The following DISP1 variants were observed in gnomAD, a reference collection of about 807,000 sequenced individuals.
The protein encoded by DISP1 is dispatched RND transporter family member 1.
A neutral mutation model predicts 37.3 loss-of-function variants in DISP1; 30 were observed. That is an observed-to-expected ratio of 0.80 (90% CI 0.60 to 1.09). DISP1 has a LOEUF of 1.09. Among genes scored for constraint, DISP1 ranks in the 50% least tolerant of loss-of-function variants. The pLI, the probability that DISP1 is intolerant of heterozygous loss-of-function variation, is 0.00. For synonymous variants in DISP1, 634 were observed against 690.2 expected (o/e 0.92, Z 1.28); for missense variants, 1,598 against 1,879.5 (o/e 0.85, Z 2.77).
In DISP1 at chr1:222,825,948, C is replaced by A; in HGVS notation, c.-159+10870C>A. The stretch of plus-strand genomic sequence containing the variant: ...GCTGGGTCTTGCTCTGTCACCCAGA[C>A]TGGAGTGCAGTGGTGAGATCATAGC... On this transcript the variant is annotated intron_variant, in intron 1 of 8. Coordinates refer to ENST00000675850, the MANE Select transcript of DISP1 (RefSeq NM_001377229.1). 1.3e-5 allele frequency among the ~76,000 whole-genome samples: 2 copies of A among 152,332 alleles called. 1 individual carries two copies. Among genetic ancestry groups the A allele is most frequent in the South Asian group, 4.1e-4 (2 of 4,830 alleles).
intron 1 of DISP1, among the ~76,000 whole-genome samples, chr1:222,888,928 A>G (rs1200312370): frequency 6.6e-6 from 1 of 152,060 alleles, no homozygotes; most frequent in Non-Finnish European, 1.5e-5. Context: ...GCAAATAATA[A>G]TTGTACATAT....
At position 223,003,416 on chromosome 1, in the gene DISP1, C is replaced by T. The variant is rs150357097; in HGVS notation, c.2019C>T (p.Pro673=). Residue 673 remains proline, a synonymous_variant, in exon 9 of 9, where the codon CCC becomes CCT. Coordinates refer to ENST00000675850, the MANE Select transcript of DISP1 (RefSeq NM_001377229.1). The surrounding 1 kb of genome is among the most constrained non-coding windows in gnomAD (Gnocchi z 4.3). ...LLNIFTCFKK[P]QQQIYDNKSC... is the part of the protein sequence containing the mutation. ...ATATATTCACTTGCTTCAAAAAGCC[C>T]CAGCAGCAAATATATGATAACAAAA... The T allele has an allele frequency of 2.2e-5, 35 of 1,614,074 alleles. No individual in the cohort carries two copies. The African/African-American group carries it at 4.0e-4, about 18-fold the overall frequency.
chr1:222,992,334 T>A (rs967168146), intron 7 of DISP1, among the ~76,000 whole-genome samples: 2 of 152,208 alleles, frequency 1.3e-5, no homozygotes, highest in Non-Finnish European at 2.9e-5. Flanking sequence ...GAAAAAGTAA[T>A]GATTGAGTTT....
intron 2 of DISP1, among the ~76,000 whole-genome samples, chr1:222,929,916 C>G (rs146077482): frequency 6.6e-6 from 1 of 152,100 alleles, no homozygotes; most frequent in East Asian, 1.9e-4. Context: ...TCATATAGCT[C>G]ACATCTTAGA....
chr1:222,821,848 C>T (rs1558276664), intron 1 of DISP1, among the ~76,000 whole-genome samples: 1 of 144,504 alleles, frequency 6.9e-6, no homozygotes, highest in African/African-American at 2.6e-5. Flanking sequence ...CACTGCACTC[C>T]AGCCTGGATG....
At chr1:222,818,651 A>G (rs183124548) in intron 1 of DISP1, among the ~76,000 whole-genome samples, 11 of 152,300 alleles carry the variant, frequency 7.2e-5, no homozygotes, top group Admixed American at 7.2e-4. Flanking sequence ...TGTAGTTTTG[A>G]GGCAGAATTC....
At chr1:222,975,565 T>C (rs367874043) in intron 3 of DISP1, among the ~76,000 whole-genome samples, 4 of 152,342 alleles carry the variant, frequency 2.6e-5, no homozygotes, top group African/African-American at 9.6e-5. Flanking sequence ...CCTTTTTTTC[T>C]ATTACCTTTT....
chr1:222,830,364 C>T (rs1161134920), intron 1 of DISP1, among the ~76,000 whole-genome samples: 5 of 151,770 alleles, frequency 3.3e-5, no homozygotes, highest in Admixed American at 2.0e-4. Context: ...CTTCTTTCTT[C>T]CTTCCGTCCT....
rs761054779 is a variant in DISP1, at chr1:223,003,464, G to C, written c.2067G>C (p.Gln689His). ...DNKSCWTVAC[Q>H]KCHKVLFAIS... ...AAAGCTGCTGGACAGTGGCTTGCCAGAAGTGCCACAAAGTACTCTTTGCCA... is the reference window on the plus strand; with the variant it reads ...AAAGCTGCTGGACAGTGGCTTGCCACAAGTGCCACAAAGTACTCTTTGCCA... The change falls in exon 9 of 9, where the codon CAG becomes CAC. Residue 689 changes from glutamine to histidine, a missense_variant. Physicochemically the swap from Gln to His is conservative, Grantham distance 24. Transcript: ENST00000675850. This position sits in a 1 kb window ranked among gnomAD's most constrained non-coding sequence, Gnocchi z 4.3. The C allele has an allele frequency of 1.2e-6, 2 of 1,614,150 alleles. No homozygotes were observed. The highest frequency in any genetic ancestry group is 2.2e-5 in the South Asian group (2 of 91,084).
intron 2 of DISP1, among the ~76,000 whole-genome samples, chr1:222,938,497 G>T (rs1444090173): frequency 2.6e-5 from 4 of 151,842 alleles, no homozygotes; most frequent in African/African-American, 9.7e-5. Context: ...ACTTTGGGAG[G>T]CTGAGGCAGG....
chr1:222,921,321 A>G (rs1258606943), intron 1 of DISP1, among the ~76,000 whole-genome samples: 1 of 152,226 alleles, frequency 6.6e-6, no homozygotes, highest in Admixed American at 6.5e-5. Context: ...AAAACAAAAA[A>G]GAAAAAAAGT....
chr1:222,985,408 G>T (rs1038610952), intron 4 of DISP1, among the ~76,000 whole-genome samples: 6 of 152,138 alleles, frequency 3.9e-5, no homozygotes, highest in Admixed American at 2.0e-4. Flanking sequence ...TCCCAGCACT[G>T]TGGGAGGCCG....
intron 3 of DISP1, among the ~76,000 whole-genome samples, chr1:222,982,342 CT>C (rs1327164975): frequency 1.3e-5 from 2 of 152,180 alleles, no homozygotes; most frequent in Non-Finnish European, 2.9e-5. Flanking sequence ...TTAGACCACA[CT>C]GTGATAACCA....
intron 4 of DISP1, among the ~76,000 whole-genome samples, chr1:222,983,467 A>C (rs960859361): frequency 1.3e-5 from 2 of 152,054 alleles, no homozygotes; most frequent in African/African-American, 2.4e-5. Flanking sequence ...AAATACAAAA[A>C]TTAGCCAGGC....
intron 6 of DISP1, 122 bp from the exon 7 acceptor site, chr1:222,991,891 C>T: frequency 1.1e-6 from 1 of 888,804 alleles, no homozygotes; most frequent in Non-Finnish European, 1.8e-6. Context: ...TCTTCTAATC[C>T]TTTCAACTTA....
At chr1:222,828,981 A>G (rs1020205541) in intron 1 of DISP1, among the ~76,000 whole-genome samples, 1 of 152,176 alleles carries the variant, frequency 6.6e-6, no homozygotes, top group Admixed American at 6.5e-5. Context: ...TGGGTAGAGG[A>G]TGTTTTTAAA....
In DISP1 at chr1:222,830,271, AAAG is replaced by A. The variant is rs1572216464; in HGVS notation, c.-159+15198_-159+15200del. Among the ~76,000 whole-genome samples the A allele has an allele frequency of 5.9e-5, 9 of 152,268 alleles. No individual in the cohort carries two copies. In the East Asian group the frequency reaches 1.7e-3, roughly 29 times the overall value. On this transcript the variant is annotated intron_variant, in intron 1 of 8. Transcript: ENST00000675850. ...TTTTTTGGGGGGGTCATTTCAATGAAAAGAAGATTATGCAATTTGTGTATGGGT... is the reference window on the plus strand; with the variant it reads ...TTTTTTGGGGGGGTCATTTCAATGAAAAGATTATGCAATTTGTGTATGGGT...
At chr1:222,826,765 G>A (rs61839585) in intron 1 of DISP1, among the ~76,000 whole-genome samples, 14,335 of 152,112 alleles carry the variant, frequency 0.094, 759 homozygotes, top group African/African-American at 0.12. Flanking sequence ...GCTGAATGCT[G>A]TGTGATGGAT....
Position 222,983,082 on chromosome 1 carries a change from C to G in DISP1, c.512C>G (p.Pro171Arg). Residue 171 changes from proline to arginine, a missense_variant and splice_region_variant, in exon 4 of 9, where the codon CCA becomes CGA. Pro to Arg is a moderately radical substitution (Grantham distance 103). Coordinates refer to ENST00000675850, the MANE Select transcript of DISP1 (RefSeq NM_001377229.1). ...TCCTTTGCTTTTTTTTTTTTCAGAC[C>G]ATCCAGACCTTTCAAGTTGCCAAAA... The part of the protein sequence containing the change: ...PVQQHIANIR[P>R]SRPFKLPKSY... 1 of 1,595,086 alleles carries G rather than the reference C, an allele frequency of 6.3e-7. No homozygotes were observed. Among genetic ancestry groups the G allele is most frequent in the East Asian group, 2.2e-5 (1 of 44,700 alleles).
Sources: allele counts gnomAD v4.1 joint callset (sites outside exome capture counted in the v4.1 genomes callset), GRCh38; gene constraint gnomAD v4.1.1; non-coding constraint Gnocchi (gnomAD v3.1); transcripts MANE v1.5; gene names NCBI Gene and HGNC (gene_info 2026-07-23, HGNC 2026-07-21).